TENM2: variants seen among roughly 807,000 people sequenced by gnomAD.
TENM2 encodes teneurin transmembrane protein 2.
Under a neutral mutation model 245.2 loss-of-function variants are expected in TENM2, and 52 were observed. The observed-to-expected ratio is 0.21, with a 90% CI of 0.17 to 0.27. The LOEUF (loss-of-function observed/expected upper bound fraction) is 0.27. Among genes scored for constraint, TENM2 ranks in the 10% least tolerant of loss-of-function variants. The pLI is 1.00. For synonymous variants in TENM2, 1,363 were observed against 1,438.9 expected, an observed-to-expected ratio of 0.95 and a Z score of 1.19; for missense variants, 3,046 against 3,666.8, an observed-to-expected ratio of 0.83 and a Z score of 4.37.
chr5:167,362,479 C>A (rs1451556929), intron 1 of TENM2, among the ~76,000 whole-genome samples: 1 of 152,182 alleles, frequency 6.6e-6, no homozygotes, highest in East Asian at 1.9e-4. Flanking sequence ...TGTGATCCAT[C>A]CATCTCACTA....
the TENM2 span, among the ~76,000 whole-genome samples, chr5:167,117,311 G>A: frequency 5.9e-5 from 9 of 152,116 alleles, no homozygotes; most frequent in Admixed American, 3.9e-4. Context: ...AGACCATCCC[G>A]GCTAACACGG....
the TENM2 span, among the ~76,000 whole-genome samples, chr5:167,065,680 A>G: frequency 3.9e-5 from 6 of 152,364 alleles, no homozygotes; most frequent in Non-Finnish European, 8.8e-5. Context: ...ATGCAAAGAT[A>G]GGAATCAATT....
chr5:168,041,805 T>G (rs1788215106), intron 5 of TENM2, among the ~76,000 whole-genome samples: 2 of 152,226 alleles, frequency 1.3e-5, no homozygotes, highest in Non-Finnish European at 2.9e-5. Context: ...GAATATATGC[T>G]GCATGCAAAT....
chr5:168,107,233 A>G (rs1198564814), intron 9 of TENM2, among the ~76,000 whole-genome samples: 1 of 151,634 alleles, frequency 6.6e-6, no homozygotes, highest in Non-Finnish European at 1.5e-5. Flanking sequence ...TTACAGCTGG[A>G]TTTTTCTATA....
At chr5:167,817,354 A>G (rs547764260) in intron 2 of TENM2, among the ~76,000 whole-genome samples, 87 of 152,344 alleles carry the variant, frequency 5.7e-4, no homozygotes, top group African/African-American at 2.0e-3. Context: ...TTATTTGTTT[A>G]TACAGAAAAG....
At chr5:167,217,452 C>T in the TENM2 span, among the ~76,000 whole-genome samples, 1 of 152,056 alleles carries the variant, frequency 6.6e-6, no homozygotes, top group Non-Finnish European at 1.5e-5. Context: ...TTCCAACCAA[C>T]GCTATTTACT....
chr5:167,085,789 T>C, the TENM2 span, among the ~76,000 whole-genome samples: 3 of 152,318 alleles, frequency 2.0e-5, no homozygotes, highest in South Asian at 6.2e-4. Flanking sequence ...TAATGTTCAA[T>C]GCCTATGTCA....
chr5:168,223,337 G>A (rs1167841337), intron 23 of TENM2, among the ~76,000 whole-genome samples: 1 of 152,174 alleles, frequency 6.6e-6, no homozygotes, highest in African/African-American at 2.4e-5. Context: ...TCAGCAGGAG[G>A]AGAAACTGTC....
the TENM2 span, among the ~76,000 whole-genome samples, chr5:167,054,817 T>C: frequency 6.6e-6 from 1 of 152,276 alleles, no homozygotes; most frequent in Admixed American, 6.5e-5. Flanking sequence ...ATTGCCATTT[T>C]TGTATCTTCT....
At chr5:167,973,666 G>A (rs1781972177) in intron 4 of TENM2, among the ~76,000 whole-genome samples, 1 of 152,136 alleles carries the variant, frequency 6.6e-6, no homozygotes, top group South Asian at 2.1e-4. Context: ...GGAACAGTGA[G>A]AGCTGCCCCA....
intron 2 of TENM2, among the ~76,000 whole-genome samples, chr5:167,506,523 G>T (rs58068901): frequency 0.026 from 3,946 of 152,180 alleles, 181 homozygotes; most frequent in South Asian, 0.08. Context: ...GTTACAAATA[G>T]GCTGATGTCT....
At chr5:168,199,897 A>G (rs1175127979) in exon 17 of TENM2, 3 of 1,613,992 alleles carry the variant, frequency 1.9e-6, no homozygotes, top group African/African-American at 1.3e-5. Context: ...CCCTGGTTCC[A>G]ATGTGAAACT....
rs201602513 is a variant in TENM2 at position 168,226,075 on chromosome 5, T to TATC, written c.5109-12_5109-10dup. 2,180 of 1,610,572 alleles carry TATC rather than the reference T, an allele frequency of 1.4e-3. 29 individuals are homozygous for TATC. The African/African-American group carries it at 0.026, about 19-fold the overall frequency. ...GCTAACCAGGGTTTATCTATCTATC[T>TATC]ATCTCCCCCCAGCTATGACCACGAA... is the stretch of plus-strand genomic sequence containing the variant. On this transcript the variant is annotated splice_polypyrimidine_tract_variant and intron_variant, in intron 23 of 28. Transcript: ENST00000518659.
intron 7 of TENM2, 85 bp from the exon 10 acceptor site, chr5:168,090,489 A>G: frequency 7.9e-7 from 1 of 1,267,354 alleles, no homozygotes; most frequent in Non-Finnish European, 1.1e-6. Flanking sequence ...TTCTCCATTA[A>G]CAAATGGGTT....
chr5:167,378,332 A>G (rs1760887296), intron 2 of TENM2, among the ~76,000 whole-genome samples: 1 of 151,088 alleles, frequency 6.6e-6, no homozygotes. Context: ...GGATAACTTG[A>G]CAGTCCCATC....
At chr5:167,892,634 A>G (rs1259007234) in intron 3 of TENM2, among the ~76,000 whole-genome samples, 1 of 152,194 alleles carries the variant, frequency 6.6e-6, no homozygotes, top group Non-Finnish European at 1.5e-5. Flanking sequence ...TTAGCAAAGC[A>G]GCTTGAAAAG....
In TENM2 at chr5:167,385,757, G is replaced by A. The variant is rs536552132; in HGVS notation, c.502+10284G>A. On this transcript the variant is annotated intron_variant, in intron 2 of 28. Transcript: ENST00000518659. ...CCACTTATAAGTGAGAACATATGAT[G>A]TTTGGTTTTCCATCCCTGAGTTACT... Among the ~76,000 whole-genome samples, 213 of 151,884 alleles carry A rather than the reference G, an allele frequency of 1.4e-3. 1 individual carries two copies. The highest frequency in any genetic ancestry group is 4.8e-3 in the African/African-American group (197 of 41,424).
chr5:167,733,208 A>G (rs1345516003), intron 2 of TENM2, among the ~76,000 whole-genome samples: 1 of 152,088 alleles, frequency 6.6e-6, no homozygotes, highest in African/African-American at 2.4e-5. Context: ...CTAACTCCTC[A>G]TCTCCTTGCC....
intron 2 of TENM2, among the ~76,000 whole-genome samples, chr5:167,387,054 A>T (rs985577096): frequency 6.6e-6 from 1 of 151,926 alleles, no homozygotes; most frequent in African/African-American, 2.4e-5. Flanking sequence ...AATCATGGTG[A>T]TATTTTGATG....
Sources: gnomAD v4.1 joint callset for allele counts (sites outside exome capture counted in the v4.1 genomes callset) on GRCh38, gnomAD v4.1.1 for gene constraint, MANE v1.5 for transcripts, NCBI Gene and HGNC (gene_info 2026-07-23, HGNC 2026-07-21) for gene names.